Variants in PLXNA2 observed in about 807,000 individuals in gnomAD.
PLXNA2 encodes the protein plexin A2, also known as plexin-A2.
A neutral mutation model predicts 193.5 loss-of-function variants in PLXNA2; 91 were observed. That is an observed-to-expected ratio of 0.47 (90% CI 0.40 to 0.56). The LOEUF is 0.56. Among genes scored for constraint, PLXNA2 ranks in the 20% least tolerant of loss-of-function variants. PLXNA2 has a pLI of 0.00. For missense variants in PLXNA2, 1,995 were observed against 2,503.2 expected (o/e 0.80, Z 4.33); for synonymous variants, 997 against 1,027.3 (o/e 0.97, Z 0.56).
chr1:208,174,969 C>T (rs1168806917), intron 3 of PLXNA2, among the ~76,000 whole-genome samples: 1 of 152,226 alleles, frequency 6.6e-6, no homozygotes, highest in African/African-American at 2.4e-5. Context: ...GTGCTGGGAA[C>T]TCTGTCCAGC....
chr1:208,210,548 T>TC (rs1670907867), intron 2 of PLXNA2, 86 bp from the exon 3 acceptor site: 2 of 1,218,650 alleles, frequency 1.6e-6, no homozygotes, highest in East Asian at 2.6e-5. Flanking sequence ...ACTTCCAGCC[T>TC]TAGGACACCA....
Position 208,044,603 on chromosome 1 carries a change from T to C in PLXNA2, c.3779A>G (p.Tyr1260Cys). The C allele has an allele frequency of 1.2e-6, 2 of 1,614,036 alleles. No homozygotes were observed. Among genetic ancestry groups the C allele is most frequent in the Non-Finnish European group, 1.7e-6 (2 of 1,179,992 alleles). Reference protein sequence around the residue: ...LIIVIIVLIAYKRKSRENDLT... With the variant: ...LIIVIIVLIACKRKSRENDLT... ...GTCATTTTCTCGAGACTTGCGCTTG[T>C]AGGCAATGAGGACGATGATGACGAT... The change falls in exon 20 of 32, where the codon TAC becomes TGC. Residue 1260 changes from tyrosine (Y) to cysteine (C), a missense_variant. Coordinates refer to ENST00000367033, the MANE Select transcript of PLXNA2 (RefSeq NM_025179.4). The surrounding 1 kb of genome is among the most constrained non-coding windows in gnomAD (Gnocchi z 4.9).
chr1:208,098,726 T>C, intron 6 of PLXNA2, 120 bp downstream of exon 6: 1 of 1,172,636 alleles, frequency 8.5e-7, no homozygotes, highest in Non-Finnish European at 1.2e-6. Context: ...ACATAAAGTC[T>C]CCTTACTGGA....
intron 9 of PLXNA2, among the ~76,000 whole-genome samples, chr1:208,088,809 C>T (rs1239615050): frequency 1.3e-5 from 2 of 152,176 alleles, no homozygotes; most frequent in African/African-American, 4.8e-5. Flanking sequence ...GCTGGATTGA[C>T]AATTGTTAAT....
At chr1:208,112,816 C>A (rs1243756717) in intron 4 of PLXNA2, among the ~76,000 whole-genome samples, 1 of 152,062 alleles carries the variant, frequency 6.6e-6, no homozygotes, top group Non-Finnish European at 1.5e-5. Context: ...TCAAATTAAG[C>A]TCAGCGTGCT....
At chr1:208,083,395 C>T (rs995109878) in intron 10 of PLXNA2, among the ~76,000 whole-genome samples, 4 of 152,220 alleles carry the variant, frequency 2.6e-5, no homozygotes, top group East Asian at 1.9e-4. Context: ...TCCCGACCCC[C>T]CACTCTTCAG....
Position 208,117,519 on chromosome 1 carries a change from C to T in PLXNA2, c.1507-14272G>A, listed in dbSNP as rs534449590. ...TGGAGGTGGTGCTGTGACCCCACTG[C>T]GGACATCTGTATGGAGAGAACTGGA... On this transcript the variant is annotated intron_variant, in intron 4 of 31. Transcript: ENST00000367033. Among the ~76,000 whole-genome samples the T allele has an allele frequency of 1.3e-4, 20 of 152,300 alleles. No individual in the cohort carries two copies. The South Asian group carries it at 3.7e-3, about 28-fold the overall frequency.
At chr1:208,031,907 T>C in intron 28 of PLXNA2, 148 bp from the exon 29 acceptor site, 1 of 1,289,680 alleles carries the variant, frequency 7.8e-7, no homozygotes, top group Non-Finnish European at 1.0e-6. Context: ...TGGGGAAGGG[T>C]ACTATTGGTT....
chr1:208,221,381 G>GT (rs33915614), intron 1 of PLXNA2, among the ~76,000 whole-genome samples: 2,910 of 58,094 alleles, frequency 0.05, 436 homozygotes, highest in East Asian at 0.39. Flanking sequence ...TTCTTTTTCT[G>GT]TTTTTTTTTT....
At chr1:208,107,353 A>G (rs1284090383) in intron 4 of PLXNA2, among the ~76,000 whole-genome samples, 1 of 152,216 alleles carries the variant, frequency 6.6e-6, no homozygotes, top group African/African-American at 2.4e-5. Flanking sequence ...GAAGAAACAG[A>G]ATATCACTCT....
At chr1:208,083,503 C>G (rs1362938553) in intron 10 of PLXNA2, among the ~76,000 whole-genome samples, 1 of 152,000 alleles carries the variant, frequency 6.6e-6, no homozygotes, top group African/African-American at 2.4e-5. Flanking sequence ...CTGCCTTCCC[C>G]TTGCGCTTGG....
At chr1:208,153,849 C>G (rs74706885) in intron 3 of PLXNA2, among the ~76,000 whole-genome samples, 5,416 of 152,296 alleles carry the variant, frequency 0.036, 313 homozygotes, top group African/African-American at 0.12. Context: ...GCAGAACAGA[C>G]AGCTGGGGGA....
At chr1:208,071,426 C>T (rs1267974342) in intron 12 of PLXNA2, among the ~76,000 whole-genome samples, 2 of 152,216 alleles carry the variant, frequency 1.3e-5, no homozygotes, top group Non-Finnish European at 2.9e-5. Context: ...TTCGTGGCTG[C>T]ACATTTTCAT....
chr1:208,089,356 C>T (rs1191234649), intron 9 of PLXNA2, among the ~76,000 whole-genome samples: 1 of 152,126 alleles, frequency 6.6e-6, no homozygotes, highest in Non-Finnish European at 1.5e-5. Flanking sequence ...GCTCATGGGC[C>T]CTGATTTTCT....
chr1:208,158,794 T>C (rs1669015034), intron 3 of PLXNA2, among the ~76,000 whole-genome samples: 1 of 152,218 alleles, frequency 6.6e-6, no homozygotes, highest in South Asian at 2.1e-4. Context: ...AGATTTGTGG[T>C]GGGCAAAAGG....
intron 3 of PLXNA2, among the ~76,000 whole-genome samples, chr1:208,155,277 C>A (rs1231567576): frequency 6.6e-6 from 1 of 152,178 alleles, no homozygotes; most frequent in Non-Finnish European, 1.5e-5. Flanking sequence ...GGGATGGCAG[C>A]CTTCTGTCTC....
chr1:208,152,180 G>A (rs775616958), intron 3 of PLXNA2, among the ~76,000 whole-genome samples: 12 of 152,244 alleles, frequency 7.9e-5, no homozygotes, highest in Non-Finnish European at 1.8e-4. Context: ...GATGGGAAGG[G>A]AGGTCGAGAG....
intron 13 of PLXNA2, among the ~76,000 whole-genome samples, chr1:208,055,858 G>A (rs1464048253): frequency 1.3e-5 from 2 of 152,066 alleles, no homozygotes; most frequent in Non-Finnish European, 2.9e-5. Context: ...CACTCCTAGC[G>A]AATATTTACT....
At chr1:208,116,937 A>C (rs1667655446) in intron 4 of PLXNA2, among the ~76,000 whole-genome samples, 1 of 152,170 alleles carries the variant, frequency 6.6e-6, no homozygotes, top group Non-Finnish European at 1.5e-5. Context: ...TTGGGAGGCC[A>C]AGCTGGGCAG....
Sources: allele counts gnomAD v4.1 joint callset (sites outside exome capture counted in the v4.1 genomes callset), GRCh38; gene constraint gnomAD v4.1.1; non-coding constraint Gnocchi (gnomAD v3.1); transcripts MANE v1.5; gene names NCBI Gene and HGNC (gene_info 2026-07-23, HGNC 2026-07-21).